The following ABLIM3 variants were observed in gnomAD, a reference collection of about 807,000 sequenced individuals.
ABLIM3 encodes the protein actin binding LIM protein family member 3.
ABLIM3 carries 61 observed loss-of-function variants against 109.5 expected under a neutral mutation model. That is an observed-to-expected ratio of 0.56 (90% CI 0.45 to 0.69). The LOEUF is 0.69. Ranked by LOEUF, ABLIM3 falls within the 30% of genes least tolerant of loss-of-function variation. ABLIM3 has a pLI of 0.00. For missense variants in ABLIM3, 796 were observed against 889.5 expected (o/e 0.89, Z 1.34); for synonymous variants, 300 against 324.8 (o/e 0.92, Z 0.82).
intron 5 of ABLIM3, among the ~76,000 whole-genome samples, chr5:149,201,622 A>G (rs535232254): frequency 6.6e-6 from 1 of 152,312 alleles, no homozygotes; most frequent in South Asian, 2.1e-4. Flanking sequence ...TTTCTTTGGC[A>G]TCCTTGATGA....
chr5:149,173,363 G>A (rs1648928710), intron 2 of ABLIM3, among the ~76,000 whole-genome samples: 1 of 152,238 alleles, frequency 6.6e-6, no homozygotes, highest in African/African-American at 2.4e-5. Flanking sequence ...AACGGCTTCA[G>A]GAATTTCCTG....
In ABLIM3 at chr5:149,217,027, A is replaced by C; in HGVS notation, c.738A>C (p.Gly246=). The change falls in exon 8 of 24, where the codon GGA becomes GGC. Residue 246 remains glycine, a synonymous_variant. Transcript: ENST00000309868. ...CVRCHQMFTE[G]EEMYLTGSEV... ...GCTGCCACCAGATGTTCACCGAAGG[A>C]GAGGAAATGTACCTCACAGGTAAGT... 6 of 1,614,188 alleles carry C rather than the reference A, an allele frequency of 3.7e-6. No homozygotes were observed. Among genetic ancestry groups the C allele is most frequent in the Non-Finnish European group, 5.1e-6 (6 of 1,180,036 alleles).
intron 5 of ABLIM3, among the ~76,000 whole-genome samples, chr5:149,205,207 G>A (rs541707999): frequency 1.3e-5 from 2 of 152,228 alleles, no homozygotes; most frequent in Non-Finnish European, 2.9e-5. Flanking sequence ...CGGGAGTCAA[G>A]TCTCAGCTCC....
chr5:149,202,046 A>G (rs1185113281), intron 5 of ABLIM3, among the ~76,000 whole-genome samples: 1 of 152,232 alleles, frequency 6.6e-6, no homozygotes, highest in Non-Finnish European at 1.5e-5. Flanking sequence ...AGAGTGAGGG[A>G]TGATATTGGC....
intron 7 of ABLIM3, among the ~76,000 whole-genome samples, chr5:149,212,361 G>A (rs528103377): frequency 2.6e-5 from 4 of 152,318 alleles, no homozygotes; most frequent in African/African-American, 9.6e-5. Flanking sequence ...GGATACCAGG[G>A]TGGAGTTTGC....
At chr5:149,166,161 C>T (rs1209783823) in intron 2 of ABLIM3, among the ~76,000 whole-genome samples, 1 of 152,160 alleles carries the variant, frequency 6.6e-6, no homozygotes, top group Non-Finnish European at 1.5e-5. Flanking sequence ...GCCCATGTCC[C>T]CACCTGGTAG....
At chr5:149,148,014 C>T (rs1368788450) in intron 2 of ABLIM3, among the ~76,000 whole-genome samples, 1 of 152,148 alleles carries the variant, frequency 6.6e-6, no homozygotes, top group Non-Finnish European at 1.5e-5. Context: ...ACCTCTCAGA[C>T]TTCAGTCACA....
At chr5:149,235,215 A>T (rs1327876727) in intron 10 of ABLIM3, among the ~76,000 whole-genome samples, 4 of 152,206 alleles carry the variant, frequency 2.6e-5, no homozygotes, top group African/African-American at 9.7e-5. Context: ...CAGTGAGCCC[A>T]TCCCAAGCAT....
At position 149,258,448 on chromosome 5, in the gene ABLIM3, G is replaced by A. The variant is rs1043745646; in HGVS notation, c.*44G>A. ...TATATGCATTTATATAAAGATATATGTAAAATCTCTCTACTGAAGCTCGGT... is the reference window on the plus strand; with the variant it reads ...TATATGCATTTATATAAAGATATATATAAAATCTCTCTACTGAAGCTCGGT... On this transcript the variant is annotated 3_prime_UTR_variant, in exon 24 of 24. Coordinates refer to ENST00000309868, the MANE Select transcript of ABLIM3 (RefSeq NM_014945.5). 7.7e-5 allele frequency: 121 copies of A among 1,571,458 alleles called. No individual in the cohort carries two copies. Among genetic ancestry groups the A allele is most frequent in the Non-Finnish European group, 1.0e-4 (118 of 1,163,734 alleles).
chr5:149,207,209 T>C (rs1759078174), intron 6 of ABLIM3, 75 bp downstream of exon 6: 1 of 1,546,880 alleles, frequency 6.5e-7, no homozygotes, highest in Non-Finnish European at 8.8e-7. Flanking sequence ...AGCCCATGCC[T>C]ACATCTCCAG....
chr5:149,255,753 A>C (rs1052163899), intron 23 of ABLIM3, among the ~76,000 whole-genome samples: 9 of 152,230 alleles, frequency 5.9e-5, no homozygotes, highest in Non-Finnish European at 1.2e-4. Flanking sequence ...CAGGAGCACA[A>C]CAAAGATGAG....
chr5:149,144,287 G>A (rs1752730422), intron 2 of ABLIM3, among the ~76,000 whole-genome samples: 1 of 152,142 alleles, frequency 6.6e-6, no homozygotes, highest in South Asian at 2.1e-4. Flanking sequence ...GGGGGACACA[G>A]CAAGCACAGA....
chr5:149,156,226 A>G (rs913095339), intron 2 of ABLIM3, among the ~76,000 whole-genome samples: 1 of 152,254 alleles, frequency 6.6e-6, no homozygotes. Flanking sequence ...TATATTTGAT[A>G]AGAAGTTGAG....
intron 21 of ABLIM3, among the ~76,000 whole-genome samples, chr5:149,251,689 C>T (rs2289285): frequency 0.098 from 14,938 of 152,190 alleles, 817 homozygotes; most frequent in East Asian, 0.13. Flanking sequence ...CTCTCTTCTC[C>T]CTGGACTGTG....
chr5:149,154,798 C>A (rs1242584696), intron 2 of ABLIM3, among the ~76,000 whole-genome samples: 3 of 152,152 alleles, frequency 2.0e-5, no homozygotes, highest in Non-Finnish European at 1.5e-5. Flanking sequence ...ACTGCTGAGT[C>A]CTGCACACTC....
At chr5:149,237,114 A>G (rs1581207653) in intron 10 of ABLIM3, among the ~76,000 whole-genome samples, 1 of 152,334 alleles carries the variant, frequency 6.6e-6, no homozygotes, top group South Asian at 2.1e-4. Context: ...TGCAAACTGT[A>G]TAACCTTTTG....
At chr5:149,201,731 A>C (rs1310922410) in intron 5 of ABLIM3, among the ~76,000 whole-genome samples, 1 of 152,144 alleles carries the variant, frequency 6.6e-6, no homozygotes, top group Non-Finnish European at 1.5e-5. Context: ...CATCATCCAG[A>C]GTGACAGAAA....
At chr5:149,170,791 G>A (rs540912607) in intron 2 of ABLIM3, among the ~76,000 whole-genome samples, 45 of 152,302 alleles carry the variant, frequency 3.0e-4, no homozygotes, top group Admixed American at 1.2e-3. Context: ...GATTTGGGGG[G>A]AGGATCTTTA....
rs115069071 is a variant in ABLIM3, at chr5:149,209,678, C to T, written c.576-1048C>T. On this transcript the variant is annotated intron_variant, in intron 6 of 23. Transcript: ENST00000309868. ...TTTTCTCCCTGCAGAGCTACCCTCC[C>T]GCACCCACAGAGTGAGAACCTGATT... is the stretch of plus-strand genomic sequence containing the variant. Among the ~76,000 whole-genome samples, 322 of 152,314 alleles carry T rather than the reference C, an allele frequency of 2.1e-3. 1 individual carries two copies. Among genetic ancestry groups the T allele is most frequent in the African/African-American group, 7.1e-3 (294 of 41,550 alleles).
Sources: gnomAD v4.1 joint callset for allele counts (sites outside exome capture counted in the v4.1 genomes callset) on GRCh38, gnomAD v4.1.1 for gene constraint, MANE v1.5 for transcripts, NCBI Gene and HGNC (gene_info 2026-07-23, HGNC 2026-07-21) for gene names.